GATAD2A: variants seen among roughly 807,000 people sequenced by gnomAD.
The protein encoded by GATAD2A is transcriptional repressor p66-alpha.
GATAD2A carries 12 observed loss-of-function variants against 68.5 expected under a neutral mutation model. That is an observed-to-expected ratio of 0.18 (90% CI 0.11 to 0.28). GATAD2A has a LOEUF of 0.28. Ranked by LOEUF, GATAD2A falls within the 10% of genes least tolerant of loss-of-function variation. GATAD2A has a pLI of 1.00. For synonymous variants in GATAD2A, 410 were observed against 375.3 expected (o/e 1.09, Z -1.07); for missense variants, 755 against 868.5 (o/e 0.87, Z 1.64).
intron 1 of GATAD2A, among the ~76,000 whole-genome samples, chr19:19,426,387 C>T (rs1208074223): frequency 6.6e-6 from 1 of 152,144 alleles, no homozygotes; most frequent in Admixed American, 6.6e-5. Context: ...GGCTAGAGTC[C>T]CCGGGAGGTA....
chr19:19,409,884 C>A (rs979569830), intron 1 of GATAD2A, among the ~76,000 whole-genome samples: 9 of 152,168 alleles, frequency 5.9e-5, no homozygotes, highest in Admixed American at 1.3e-4. Flanking sequence ...GCTTTCCAGA[C>A]TATATTTGTG....
chr19:19,502,305 C>A (rs2060586825), intron 10 of GATAD2A, 26 bp from the exon 11 acceptor site: 6 of 1,556,250 alleles, frequency 3.9e-6, no homozygotes, highest in Non-Finnish European at 4.4e-6. Context: ...CCTGCATGAG[C>A]CGTCACCCCC....
intron 2 of GATAD2A, among the ~76,000 whole-genome samples, chr19:19,483,301 C>G (rs867519732): frequency 3.3e-5 from 5 of 152,182 alleles, no homozygotes; most frequent in African/African-American, 1.2e-4. Flanking sequence ...CCAGAGCGGT[C>G]GTTGGACCTG....
At chr19:19,440,201 C>T (rs1235705513) in intron 1 of GATAD2A, 8 of 380,562 alleles carry the variant, frequency 2.1e-5, no homozygotes, top group Non-Finnish European at 4.2e-5. Flanking sequence ...ATGGAGTGTG[C>T]TGTCACTTAT....
chr19:19,450,757 A>C (rs899523334), intron 1 of GATAD2A, among the ~76,000 whole-genome samples: 2 of 151,070 alleles, frequency 1.3e-5, no homozygotes, highest in African/African-American at 4.9e-5. Context: ...AAAAAAAAAA[A>C]AAAAACTCTT....
intron 2 of GATAD2A, among the ~76,000 whole-genome samples, chr19:19,473,502 T>G (rs2058460533): frequency 6.6e-6 from 1 of 152,188 alleles, no homozygotes; most frequent in African/African-American, 2.4e-5. Flanking sequence ...GTTGTCTTTC[T>G]TTTTAGACTT....
chr19:19,389,921 C>T (rs940867211), intron 1 of GATAD2A, among the ~76,000 whole-genome samples: 45 of 152,124 alleles, frequency 3.0e-4, no homozygotes, highest in African/African-American at 9.9e-4. Context: ...TGCCACCACG[C>T]CCGGCTATAT....
intron 1 of GATAD2A, among the ~76,000 whole-genome samples, chr19:19,452,339 C>T (rs2056479988): frequency 1.3e-5 from 2 of 152,188 alleles, no homozygotes; most frequent in Admixed American, 1.3e-4. Flanking sequence ...GAGAGCCTTG[C>T]TGTGGCTGTC....
chr19:19,465,483 G>C lies in GATAD2A; in HGVS notation c.138G>C (p.Met46Ile), dbSNP rs769791141. The C allele has an allele frequency of 7.4e-6, 12 of 1,614,030 alleles. No homozygotes were observed. Among genetic ancestry groups the C allele is most frequent in the Non-Finnish European group, 8.5e-6 (10 of 1,179,864 alleles). Residue 46 changes from methionine (M) to isoleucine (I), a missense_variant, in exon 2 of 12, where the codon ATG (methionine) becomes ATC (isoleucine). Physicochemically the swap from Met to Ile is conservative, Grantham distance 10 (BLOSUM62 1). Coordinates refer to ENST00000683918, the MANE Select transcript of GATAD2A (RefSeq NM_001384528.1). ...LASDLNTDGD[M>I]RVTPEPGAGP... ...CAGATTTAAACACTGACGGAGACATGAGGGTGACACCTGAGCCGGGAGCAG... is the reference window on the plus strand; with the variant it reads ...CAGATTTAAACACTGACGGAGACATCAGGGTGACACCTGAGCCGGGAGCAG...
At chr19:19,500,445 G>A (rs930413757) in intron 8 of GATAD2A, among the ~76,000 whole-genome samples, 1 of 150,718 alleles carries the variant, frequency 6.6e-6, no homozygotes, top group African/African-American at 2.5e-5. Context: ...AGGCCCCTAA[G>A]TGCTGAACAC....
intron 1 of GATAD2A, among the ~76,000 whole-genome samples, chr19:19,435,742 C>T (rs142161277): frequency 0.026 from 3,927 of 152,150 alleles, 183 homozygotes; most frequent in African/African-American, 0.088. Context: ...CCCAGCTACT[C>T]GAGAGGCTGA....
At position 19,465,365 on chromosome 19, in the gene GATAD2A, G is replaced by C. The variant is rs773676090; in HGVS notation, c.20G>C (p.Arg7Pro). The C allele has an allele frequency of 3.1e-6, 5 of 1,613,922 alleles. No homozygotes were observed. The highest frequency in any genetic ancestry group is 4.2e-6 in the Non-Finnish European group (5 of 1,179,798). Residue 7 changes from arginine to proline, a missense_variant, in exon 2 of 12, where the codon CGA becomes CCA. Arg to Pro is a moderately radical substitution (Grantham distance 103). Coordinates refer to ENST00000683918, the MANE Select transcript of GATAD2A (RefSeq NM_001384528.1). MTEEAC[R>P]TRSQKRALER... ...TTCAGAATGACCGAAGAAGCATGCC[G>C]AACACGGAGTCAGAAACGAGCGCTT...
chr19:19,505,428 A>T lies in GATAD2A; in HGVS notation c.1859A>T (p.Asp620Val). The T allele has an allele frequency of 6.2e-7, 1 of 1,612,168 alleles. No homozygotes were observed. Among genetic ancestry groups the T allele is most frequent in the Non-Finnish European group, 8.5e-7 (1 of 1,179,150 alleles). Residue 620 changes from aspartate (D) to valine (V), a missense_variant, in exon 12 of 12, where the codon GAC becomes GTC. By Grantham distance (152) the Asp-to-Val change is radical. Transcript: ENST00000683918. ...AVDRQREYLL[D>V]MIPPRSIPQS... ...GACCGCCAGCGAGAGTACCTCCTGG[A>T]CATGATCCCACCCCGCTCCATCCCC...
intron 2 of GATAD2A, among the ~76,000 whole-genome samples, chr19:19,492,079 C>A (rs1225304605): frequency 6.6e-6 from 1 of 152,220 alleles, no homozygotes; most frequent in Non-Finnish European, 1.5e-5. Flanking sequence ...GCATGAAGTC[C>A]CTACCATCAG....
chr19:19,416,841 C>T (rs2051705062), intron 1 of GATAD2A, among the ~76,000 whole-genome samples: 1 of 151,846 alleles, frequency 6.6e-6, no homozygotes, highest in Non-Finnish European at 1.5e-5. Context: ...TGGCTCACTG[C>T]AACCTTGTCT....
chr19:19,435,630 G>A (rs1328913182), intron 1 of GATAD2A, among the ~76,000 whole-genome samples: 3 of 152,112 alleles, frequency 2.0e-5, no homozygotes, highest in African/African-American at 2.4e-5. Context: ...TGGGTGTATC[G>A]CCTGAGGTCA....
At chr19:19,504,555 A>C (rs897344211) in intron 11 of GATAD2A, among the ~76,000 whole-genome samples, 1 of 151,584 alleles carries the variant, frequency 6.6e-6, no homozygotes, top group Non-Finnish European at 1.5e-5. Flanking sequence ...TGACAGGCCG[A>C]GGTAGGAGGA....
chr19:19,471,630 G>A (rs1432864248), intron 2 of GATAD2A, among the ~76,000 whole-genome samples: 1 of 152,156 alleles, frequency 6.6e-6, no homozygotes, highest in Admixed American at 6.5e-5. Context: ...ATCATTGAAT[G>A]GTACTCTTAC....
At chr19:19,502,894 C>T (rs1239969450) in intron 11 of GATAD2A, among the ~76,000 whole-genome samples, 1 of 152,192 alleles carries the variant, frequency 6.6e-6, no homozygotes, top group African/African-American at 2.4e-5. Context: ...CAGCAAACAT[C>T]TTTTTTCTGT....
Sources: gnomAD v4.1 joint callset for allele counts (sites outside exome capture counted in the v4.1 genomes callset) on GRCh38, gnomAD v4.1.1 for gene constraint, MANE v1.5 for transcripts, NCBI Gene and HGNC (gene_info 2026-07-23, HGNC 2026-07-21) for gene names.